The following TLE2 variants were observed in gnomAD, a reference collection of about 807,000 sequenced individuals.
TLE2 encodes transducin-like enhancer protein 2.
In TLE2, 74 loss-of-function variants were observed where a neutral mutation model predicts 97.2. The observed-to-expected ratio is 0.76, with a 90% confidence interval of 0.63 to 0.92. The LOEUF (loss-of-function observed/expected upper bound fraction) is 0.92. Among genes scored for constraint, TLE2 ranks in the 40% least tolerant of loss-of-function variants. The probability of loss-of-function intolerance (pLI) is 0.00; values close to 1 mark genes in which losing one functional copy is unlikely to be tolerated. For missense variants in TLE2, 1,038 were observed against 1,008.7 expected (o/e 1.03, Z -0.39); for synonymous variants, 499 against 432.1 (o/e 1.15, Z -1.92).
chr19:3,042,283 G>C (rs2090109898), intron 1 of TLE2, among the ~76,000 whole-genome samples: 1 of 122,400 alleles, frequency 8.2e-6, no homozygotes, highest in Admixed American at 8.1e-5. Flanking sequence ...TGGAGGGGCA[G>C]GGAGGAAGGG....
chr19:3,030,914 G>A (rs866974171), upstream of TLE2, among the ~76,000 whole-genome samples: 91 of 145,004 alleles, frequency 6.3e-4, no homozygotes, highest in Admixed American at 3.0e-3. Context: ...TCACATCACT[G>A]CACTCCAGCC....
chr19:3,000,996 C>CG (rs1415721226), intron 18 of TLE2, among the ~76,000 whole-genome samples: 1 of 151,514 alleles, frequency 6.6e-6, no homozygotes, highest in Admixed American at 6.6e-5. Context: ...TATTTTTTGC[C>CG]GGGGGCAGTG....
At chr19:3,036,728 T>G (rs543837322) in intron 1 of TLE2, among the ~76,000 whole-genome samples, 1 of 145,176 alleles carries the variant, frequency 6.9e-6, no homozygotes, top group Admixed American at 6.9e-5. Flanking sequence ...CACAGTGAGA[T>G]TGCTGGACAA....
rs1264570958 is a variant in TLE2, at chr19:3,000,573, C to T, written c.2124+74G>A. On this transcript the variant is annotated intron_variant, in intron 19 of 19. Coordinates refer to ENST00000262953, the MANE Select transcript of TLE2 (RefSeq NM_003260.5). ...GGGACCTGGGGGACAGGGACAGGGG[C>T]AATCTCTCTGTCTGACCCTGGCATA... 25 of 1,382,436 alleles carry T rather than the reference C, an allele frequency of 1.8e-5. No homozygotes were observed. The Admixed American group carries it at 4.4e-4, about 24-fold the overall frequency. The allele number at this position is 1,382,436 out of a possible 1,614,324, so 85.6% of individuals were successfully genotyped here.
At position 3,011,149 on chromosome 19, in the gene TLE2, G is replaced by T. The variant is rs200778019; in HGVS notation, c.885C>A (p.Pro295=). The T allele has an allele frequency of 6.2e-7, 1 of 1,600,138 alleles. No homozygotes were observed. The highest frequency in any genetic ancestry group is 8.5e-7 in the Non-Finnish European group (1 of 1,173,124). The change falls in exon 12 of 20, where the codon CCC becomes CCA. Residue 295 remains proline, a synonymous_variant. Coordinates refer to ENST00000262953, the MANE Select transcript of TLE2 (RefSeq NM_003260.5). ...AGGATTTGGAGGCAGGAGTGCTGGC[G>T]GGAAGGTCATTCTGCAGAGAAAGGG... ...RAKELILNDL[P]ASTPASKSCD...
In TLE2 at chr19:3,009,632, G is replaced by T. The variant is rs1025798872; in HGVS notation, c.1083C>A (p.Leu361=). 2.5e-6 allele frequency: 4 copies of T among 1,613,202 alleles called. No individual in the cohort carries two copies. Among genetic ancestry groups the T allele is most frequent in the African/African-American group, 1.3e-5 (1 of 74,934 alleles). ...TSFSLGSHST[L]NGDLSVPSSY... is the part of the protein sequence containing the mutation. ...AGCTGGGCACGGAGAGGTCTCCGTTGAGAGTGCTGTGGGAGCCCAGGCTGA... is the reference window on the plus strand; with the variant it reads ...AGCTGGGCACGGAGAGGTCTCCGTTTAGAGTGCTGTGGGAGCCCAGGCTGA... The change falls in exon 13 of 20, where the codon CTC becomes CTA. Residue 361 remains leucine, a synonymous_variant. Coordinates refer to ENST00000262953, the MANE Select transcript of TLE2 (RefSeq NM_003260.5).
At chr19:3,000,749 C>CA (rs773394671) in intron 18 of TLE2, 26 bp from the exon 19 acceptor site, 1 of 1,559,536 alleles carries the variant, frequency 6.4e-7, no homozygotes, top group Non-Finnish European at 8.7e-7. Flanking sequence ...CAGCAGGGTT[C>CA]AAGGAGGGGG....
At chr19:3,041,345 T>C (rs2090101973) in intron 1 of TLE2, among the ~76,000 whole-genome samples, 1 of 152,100 alleles carries the variant, frequency 6.6e-6, no homozygotes, top group Admixed American at 6.6e-5. Flanking sequence ...CTATTATCAC[T>C]GGGCTACCTG....
At chr19:3,039,841 CTG>C (rs2090087286) in intron 1 of TLE2, among the ~76,000 whole-genome samples, 1 of 152,208 alleles carries the variant, frequency 6.6e-6, no homozygotes, top group South Asian at 2.1e-4. Context: ...CCTCCAGAGG[CTG>C]TGAGACCCAG....
chr19:3,030,559 G>A (rs147244927), upstream of TLE2, among the ~76,000 whole-genome samples: 13 of 152,072 alleles, frequency 8.5e-5, no homozygotes, highest in East Asian at 2.1e-3. Context: ...TTAGGTGATC[G>A]AGTACCTAAT....
chr19:3,002,638 A>C, intron 17 of TLE2, 135 bp from the exon 18 acceptor site: 1 of 1,036,416 alleles, frequency 9.6e-7, no homozygotes, highest in Non-Finnish European at 1.4e-6. Context: ...TCCAGGGCTC[A>C]AGAGATCCTC....
At position 3,019,500 on chromosome 19, in the gene TLE2, G is replaced by A. The variant is rs1044529150; in HGVS notation, c.370-37C>T. 6.1e-6 allele frequency: 9 copies of A among 1,485,988 alleles called. No individual in the cohort carries two copies. The African/African-American group carries it at 1.1e-4, about 18-fold the overall frequency. 92.1% of individuals were successfully genotyped at this position (1,485,988 alleles called of 1,614,324 possible). A position where few individuals can be genotyped will look rare whatever the true frequency, so the allele number is the denominator to read the frequency against. The stretch of plus-strand genomic sequence containing the variant: ...GAGGCAGGATGGGCCGGGGCGGGGG[G>A]CGGCAGGAGCCCAGCGGTCCCCAGC... On this transcript the variant is annotated intron_variant, in intron 6 of 19. Coordinates refer to ENST00000262953, the MANE Select transcript of TLE2 (RefSeq NM_003260.5). The surrounding 1 kb of genome is among the most constrained non-coding windows in gnomAD (Gnocchi z 5.1).
At chr19:3,002,082 G>A (rs563593004) in intron 18 of TLE2, among the ~76,000 whole-genome samples, 1 of 152,078 alleles carries the variant, frequency 6.6e-6, no homozygotes, top group East Asian at 1.9e-4. Flanking sequence ...ACAGGCGTGA[G>A]CTACCACACC....
intron 15 of TLE2, 37 bp downstream of exon 15, chr19:3,006,383 C>A (rs746090989): frequency 6.3e-7 from 1 of 1,597,112 alleles, no homozygotes; most frequent in Non-Finnish European, 8.5e-7. Flanking sequence ...CCACCCCTCA[C>A]CTGTGAGTCC....
intron 11 of TLE2, among the ~76,000 whole-genome samples, chr19:3,011,671 G>A (rs1179396038): frequency 6.6e-6 from 1 of 150,988 alleles, no homozygotes; most frequent in Non-Finnish European, 1.5e-5. Flanking sequence ...CGAACATGGT[G>A]AAAACCCCAT....
At chr19:3,021,315 G>A (rs933408310) in intron 5 of TLE2, among the ~76,000 whole-genome samples, 6 of 151,286 alleles carry the variant, frequency 4.0e-5, no homozygotes, top group African/African-American at 1.2e-4. Context: ...TGGGGCAGGA[G>A]AAACACTTGA....
chr19:3,035,461 C>T (rs1025847168), intron 1 of TLE2, among the ~76,000 whole-genome samples: 6 of 152,072 alleles, frequency 3.9e-5, no homozygotes, highest in Admixed American at 1.3e-4. Flanking sequence ...CCGCCGATCT[C>T]CCCCTTCCCA....
intron 19 of TLE2, among the ~76,000 whole-genome samples, chr19:2,999,029 C>T (rs972433618): frequency 2.6e-5 from 4 of 152,130 alleles, no homozygotes; most frequent in African/African-American, 9.7e-5. Context: ...GGCACGGTGG[C>T]TCGGCGCTTC....
At position 3,017,892 on chromosome 19, in the gene TLE2, A is replaced by T. The variant is rs755978297; in HGVS notation, c.551-33T>A. On this transcript the variant is annotated intron_variant, in intron 7 of 19. Coordinates refer to ENST00000262953, the MANE Select transcript of TLE2 (RefSeq NM_003260.5). ...ATTGGGAATGGGATAAAGAGAAAGA[A>T]GGAGAAAGAATGAGGCGTTTGTATC... 3.2e-5 allele frequency: 51 copies of T among 1,609,804 alleles called. 2 individuals are homozygous for T. In the South Asian group the frequency reaches 5.4e-4, roughly 17 times the overall value.
Sources: gnomAD v4.1 joint callset for allele counts (sites outside exome capture counted in the v4.1 genomes callset) on GRCh38, gnomAD v4.1.1 for gene constraint, Gnocchi (gnomAD v3.1) non-coding constraint, MANE v1.5 for transcripts, NCBI Gene and HGNC (gene_info 2026-07-23, HGNC 2026-07-21) for gene names.